The following USP13 variants were observed in gnomAD, a reference collection of about 807,000 sequenced individuals.
USP13 encodes ubiquitin specific peptidase 13.
In USP13, 68 loss-of-function variants were observed where a neutral mutation model predicts 107.8. The observed-to-expected ratio is 0.63, with a 90% CI of 0.52 to 0.77. The LOEUF is 0.77. Among genes scored for constraint, USP13 ranks in the 30% least tolerant of loss-of-function variants. The probability of loss-of-function intolerance (pLI) is 0.00; values close to 1 mark genes in which losing one functional copy is unlikely to be tolerated. For missense variants in USP13, 945 were observed against 1,093.3 expected, an observed-to-expected ratio of 0.86 and a Z score of 1.91; for synonymous variants, 377 against 389.5, an observed-to-expected ratio of 0.97 and a Z score of 0.38.
chr3:179,688,099 G>GTCCA (rs763601246), intron 2 of USP13, among the ~76,000 whole-genome samples: 9,521 of 140,566 alleles, frequency 0.068, 727 homozygotes, highest in African/African-American at 0.19. Context: ...CCATCCATCC[G>GTCCA]TCCATCCATC....
At chr3:179,719,350 C>G (rs1339112096) in intron 6 of USP13, among the ~76,000 whole-genome samples, 1 of 152,140 alleles carries the variant, frequency 6.6e-6, no homozygotes, top group Non-Finnish European at 1.5e-5. Context: ...TCACAGATCT[C>G]TCGCTGGTTC....
At position 179,742,460 on chromosome 3, in the gene USP13, A is replaced by C. The variant is rs963091701; in HGVS notation, c.1534+110A>C. 3.0e-6 allele frequency: 4 copies of C among 1,341,318 alleles called. No individual in the cohort carries two copies. The highest frequency in any genetic ancestry group is 4.1e-6 in the Non-Finnish European group (4 of 970,830). The allele number at this position is 1,341,318 out of a possible 1,614,324, so 83.1% of individuals were successfully genotyped here. A position where few individuals can be genotyped will look rare whatever the true frequency, so the allele number is the denominator to read the frequency against. ...AGTGTGTCAGGAGTAGACCCAGCCCAGGTGATGTCTGCTTTGCACATCTCT... is the reference window on the plus strand; with the variant it reads ...AGTGTGTCAGGAGTAGACCCAGCCCCGGTGATGTCTGCTTTGCACATCTCT... On this transcript the variant is annotated intron_variant, in intron 12 of 20. Transcript: ENST00000263966. The surrounding 1 kb of genome is among the most constrained non-coding windows in gnomAD (Gnocchi z 5.0).
chr3:179,675,499 T>A (rs1720867530), intron 1 of USP13, among the ~76,000 whole-genome samples: 2 of 151,326 alleles, frequency 1.3e-5, no homozygotes, highest in Admixed American at 1.3e-4. Flanking sequence ...TTTAAAAAAA[T>A]TTACCCAATG....
intron 1 of USP13, among the ~76,000 whole-genome samples, chr3:179,668,375 A>C (rs140583319): frequency 2.0e-5 from 3 of 152,278 alleles, no homozygotes; most frequent in Non-Finnish European, 2.9e-5. Context: ...AGTAAGGCCT[A>C]TACTCTCCTG....
intron 8 of USP13, among the ~76,000 whole-genome samples, chr3:179,722,520 A>T (rs758096407): frequency 9.2e-5 from 14 of 152,124 alleles, no homozygotes; most frequent in Admixed American, 5.9e-4. Flanking sequence ...GGTACATAAC[A>T]GGTGTATATA....
intron 8 of USP13, among the ~76,000 whole-genome samples, chr3:179,729,368 AGAGAGGGAAGCCCAAGGACG>A (rs1285578356): frequency 6.6e-6 from 1 of 152,244 alleles, no homozygotes; most frequent in Non-Finnish European, 1.5e-5. Context: ...CTACAAGGAC[AGAGAGGGAAGCCCAAGGACG>A]GGCCCAGTCA....
intron 3 of USP13, among the ~76,000 whole-genome samples, chr3:179,697,803 T>A (rs1712376730): frequency 6.6e-6 from 1 of 152,222 alleles, no homozygotes; most frequent in African/African-American, 2.4e-5. Flanking sequence ...ATGTTACCTC[T>A]GATGGACTTT....
chr3:179,695,306 G>C (rs1712284871), intron 3 of USP13, among the ~76,000 whole-genome samples: 1 of 152,194 alleles, frequency 6.6e-6, no homozygotes, highest in African/African-American at 2.4e-5. Context: ...TGATGACTTT[G>C]TGAATAATTC....
chr3:179,744,728 T>A lies in USP13; in HGVS notation c.1535-315T>A, dbSNP rs533324377. Among the ~76,000 whole-genome samples, 3 of 152,294 alleles carry A rather than the reference T, an allele frequency of 2.0e-5. 1 individual carries two copies. Among genetic ancestry groups the A allele is most frequent in the African/African-American group, 7.2e-5 (3 of 41,562 alleles). ...GTATTGGCCTTTGGACAAACCAGGTTCATGGGCATTTATATCACACACATG... is the reference window on the plus strand; with the variant it reads ...GTATTGGCCTTTGGACAAACCAGGTACATGGGCATTTATATCACACACATG... On this transcript the variant is annotated intron_variant, in intron 12 of 20. Coordinates refer to ENST00000263966, the MANE Select transcript of USP13 (RefSeq NM_003940.3).
intron 19 of USP13, among the ~76,000 whole-genome samples, chr3:179,773,489 A>G (rs1372040851): frequency 6.6e-6 from 1 of 152,248 alleles, no homozygotes; most frequent in Non-Finnish European, 1.5e-5. Flanking sequence ...ATAATGGCTT[A>G]TAAAATTAAA....
intron 4 of USP13, among the ~76,000 whole-genome samples, chr3:179,704,218 G>T (rs1190022367): frequency 1.3e-5 from 2 of 152,074 alleles, no homozygotes; most frequent in South Asian, 4.1e-4. Flanking sequence ...ATGTTTTGTT[G>T]GTTGTCACCC....
chr3:179,747,518 C>G (rs73885931), intron 13 of USP13, among the ~76,000 whole-genome samples: 5,134 of 152,206 alleles, frequency 0.034, 295 homozygotes, highest in African/African-American at 0.12. Flanking sequence ...CTTAGAAGTG[C>G]AGGATGTGAC....
chr3:179,684,270 T>TCCACAC (rs374487790), intron 2 of USP13, among the ~76,000 whole-genome samples: 5 of 115,946 alleles, frequency 4.3e-5, no homozygotes, highest in Non-Finnish European at 8.9e-5. Flanking sequence ...TATCACCCTT[T>TCCACAC]ACACACACAC....
At chr3:179,726,222 C>T (rs938506778) in intron 8 of USP13, among the ~76,000 whole-genome samples, 4 of 152,124 alleles carry the variant, frequency 2.6e-5, no homozygotes, top group African/African-American at 9.7e-5. Flanking sequence ...AGGAAAAAGA[C>T]AGCAGAAGGC....
In USP13 at chr3:179,787,592, T is replaced by G. The variant is rs1715946489; in HGVS notation, c.*3451T>G. 1 of 152,274 alleles carries G rather than the reference T, an allele frequency of 6.6e-6. No individual in the cohort carries two copies. Among genetic ancestry groups the G allele is most frequent in the Non-Finnish European group, 1.5e-5 (1 of 68,146 alleles). 9.4% of individuals were successfully genotyped at this position (152,274 alleles called of 1,614,324 possible). On this transcript the variant is annotated 3_prime_UTR_variant, in exon 21 of 21. Coordinates refer to ENST00000263966, the MANE Select transcript of USP13 (RefSeq NM_003940.3). ...TCCTGCTCCACTTATCTATACTTTT[T>G]TGGGTAATCATCCCACTTTTTTTTT... is the stretch of plus-strand genomic sequence containing the variant.
rs779215084 is a variant in USP13 at position 179,653,443 on chromosome 3, C to A, written c.168+50C>A. 15 of 1,529,836 alleles carry A rather than the reference C, an allele frequency of 9.8e-6. No individual in the cohort carries two copies. The highest frequency in any genetic ancestry group is 1.3e-5 in the Non-Finnish European group (15 of 1,134,538). 94.8% of individuals were successfully genotyped at this position (1,529,836 alleles called of 1,614,324 possible). On this transcript the variant is annotated intron_variant, in intron 1 of 20. Transcript: ENST00000263966. The surrounding 1 kb of genome is among the most constrained non-coding windows in gnomAD (Gnocchi z 4.0). ...GTCGCGGGGCCGGCGGCCTGCGGCA[C>A]GTGAAGCCGGGGGAGAAGATGCGCA...
At chr3:179,750,872 C>A (rs1714585840) in intron 13 of USP13, among the ~76,000 whole-genome samples, 1 of 152,160 alleles carries the variant, frequency 6.6e-6, no homozygotes, top group Non-Finnish European at 1.5e-5. Flanking sequence ...ATTTTCAAGA[C>A]CCACATCCAC....
chr3:179,691,558 TG>T (rs1169553210), intron 3 of USP13, among the ~76,000 whole-genome samples: 3 of 152,214 alleles, frequency 2.0e-5, no homozygotes, highest in African/African-American at 7.2e-5. Flanking sequence ...GATGTTAACA[TG>T]TTGTCATACT....
At chr3:179,784,022 A>G (rs761365773) in intron 20 of USP13, 26 bp from the exon 21 acceptor site, 2 of 1,591,442 alleles carry the variant, frequency 1.3e-6, no homozygotes, top group East Asian at 4.5e-5. Flanking sequence ...ACTTAAATCC[A>G]TCAAATGCTT....
Sources: gnomAD v4.1 joint callset for allele counts (sites outside exome capture counted in the v4.1 genomes callset) on GRCh38, gnomAD v4.1.1 for gene constraint, Gnocchi (gnomAD v3.1) non-coding constraint, MANE v1.5 for transcripts, NCBI Gene and HGNC (gene_info 2026-07-23, HGNC 2026-07-21) for gene names.